Variants in ZFPM2 observed in about 807,000 individuals in gnomAD.
ZFPM2 encodes zinc finger protein ZFPM2.
In ZFPM2, 20 loss-of-function variants were observed where a neutral mutation model predicts 98.6. That is an observed-to-expected ratio of 0.20 (90% CI 0.14 to 0.29). The LOEUF is 0.29. Ranked by LOEUF, ZFPM2 falls within the 10% of genes least tolerant of loss-of-function variation. The pLI, the probability that ZFPM2 is intolerant of heterozygous loss-of-function variation, is 1.00. For missense variants in ZFPM2, 1,310 were observed against 1,388.6 expected (o/e 0.94, Z 0.90); for synonymous variants, 518 against 502.7 (o/e 1.03, Z -0.41).
Position 105,803,689 on chromosome 8 carries a change from C to T in ZFPM2, c.*151C>T. 5 of 734,454 alleles carry T rather than the reference C, an allele frequency of 6.8e-6. No homozygotes were observed. Among genetic ancestry groups the T allele is most frequent in the South Asian group, 2.0e-5 (1 of 51,090 alleles). The allele number at this position is 734,454 out of a possible 1,614,324, so 45.5% of individuals were successfully genotyped here. A position where few individuals can be genotyped will look rare whatever the true frequency, so the allele number is the denominator to read the frequency against. ...GAAGACTTAAGGTGTAATTTCATTA[C>T]AGTCCATTAGTAAAGTGTATTATTG... On this transcript the variant is annotated 3_prime_UTR_variant, in exon 8 of 8. Coordinates refer to ENST00000407775, the MANE Select transcript of ZFPM2 (RefSeq NM_012082.4).
intron 5 of ZFPM2, among the ~76,000 whole-genome samples, chr8:105,701,391 TTAGTGGTGAATTAGAGTTATTC>T (rs1223378888): frequency 1.3e-5 from 2 of 152,204 alleles, no homozygotes; most frequent in Non-Finnish European, 1.5e-5. Flanking sequence ...CTATCTGCTA[TTAGTGGTGAATTAGAGTTATTC>T]TAAAAGCATA....
At chr8:105,677,959 A>C (rs543518655) in intron 5 of ZFPM2, among the ~76,000 whole-genome samples, 1 of 152,184 alleles carries the variant, frequency 6.6e-6, no homozygotes, top group Non-Finnish European at 1.5e-5. Flanking sequence ...GGAGCTGCTC[A>C]TAAGATGTTA....
chr8:105,658,654 A>C (rs1441497402), intron 5 of ZFPM2, among the ~76,000 whole-genome samples: 5 of 151,148 alleles, frequency 3.3e-5, no homozygotes, highest in Non-Finnish European at 7.4e-5. Flanking sequence ...CTGTACCTTC[A>C]GTCTATCTGT....
intron 5 of ZFPM2, among the ~76,000 whole-genome samples, chr8:105,646,298 G>T (rs1416866828): frequency 6.6e-6 from 1 of 152,152 alleles, no homozygotes; most frequent in Non-Finnish European, 1.5e-5. Context: ...AAGGAATGCT[G>T]TTCAGTTGTT....
At chr8:105,435,656 T>C (rs528996791) in intron 2 of ZFPM2, among the ~76,000 whole-genome samples, 4 of 152,068 alleles carry the variant, frequency 2.6e-5, no homozygotes, top group African/African-American at 9.6e-5. Context: ...GAATCAAAAA[T>C]GGATAGAAGT....
chr8:105,417,786 C>T (rs1811708156), intron 1 of ZFPM2, among the ~76,000 whole-genome samples: 1 of 152,064 alleles, frequency 6.6e-6, no homozygotes, highest in Non-Finnish European at 1.5e-5. Flanking sequence ...AACCTTCTAC[C>T]TTGAGCATAT....
In ZFPM2 at chr8:105,676,834, G is replaced by C. The variant is rs146256823; in HGVS notation, c.532+42477G>C. Among the ~76,000 whole-genome samples the C allele has an allele frequency of 5.4e-3, 829 of 152,122 alleles. 9 individuals are homozygous for C. The highest frequency in any genetic ancestry group is 0.019 in the African/African-American group (788 of 41,524). ...TGGTTAAGAGTTATAGACTGGGATT[G>C]ACTAACTTTTGTGAATGAAACTTTA... is the stretch of plus-strand genomic sequence containing the variant. On this transcript the variant is annotated intron_variant, in intron 5 of 7. Transcript: ENST00000407775.
chr8:105,624,092 C>T lies in ZFPM2; in HGVS notation c.421-10154C>T, dbSNP rs543344723. Among the ~76,000 whole-genome samples the T allele has an allele frequency of 3.9e-5, 6 of 152,258 alleles. No individual in the cohort carries two copies. The South Asian group carries it at 1.2e-3, about 32-fold the overall frequency. On this transcript the variant is annotated intron_variant, in intron 4 of 7. Transcript: ENST00000407775. Reference sequence around the variant, plus strand: ...TGTAGTACATATGAGGTCATCTTAACAGAGAAGGAAGCTGAGACCTTCAGA... The same window carrying T: ...TGTAGTACATATGAGGTCATCTTAATAGAGAAGGAAGCTGAGACCTTCAGA...
intron 3 of ZFPM2, among the ~76,000 whole-genome samples, chr8:105,500,040 G>T (rs1470411315): frequency 6.6e-6 from 1 of 152,130 alleles, no homozygotes; most frequent in Non-Finnish European, 1.5e-5. Flanking sequence ...CTCCGTTATT[G>T]CAGAGAAGAA....
At chr8:105,585,867 G>A (rs1448730953) in intron 4 of ZFPM2, among the ~76,000 whole-genome samples, 1 of 151,934 alleles carries the variant, frequency 6.6e-6, no homozygotes, top group Non-Finnish European at 1.5e-5. Context: ...AATATAAAGA[G>A]AACCTAAGAT....
chr8:105,343,262 C>T (rs2129673322), intron 1 of ZFPM2, among the ~76,000 whole-genome samples: 1 of 152,166 alleles, frequency 6.6e-6, no homozygotes, highest in South Asian at 2.1e-4. Flanking sequence ...AGTTGCATTC[C>T]AGAACCATTC....
At chr8:105,571,982 C>T (rs1022769760) in intron 4 of ZFPM2, among the ~76,000 whole-genome samples, 13 of 149,294 alleles carry the variant, frequency 8.7e-5, no homozygotes, top group African/African-American at 3.0e-4. Flanking sequence ...CTATAAAGCT[C>T]TGTGTTGATG....
intron 1 of ZFPM2, among the ~76,000 whole-genome samples, chr8:105,350,227 A>G (rs1201302526): frequency 9.2e-5 from 14 of 152,194 alleles, no homozygotes; most frequent in Admixed American, 9.2e-4. Context: ...TCATGAAACA[A>G]TAATTTGCCC....
rs548748703 is a variant in ZFPM2, at chr8:105,772,976, C to T, written c.533-15742C>T. ...ATTTAGTTGAGCATTGGAGGATAGT[C>T]TGTAAATTACGACGAAGTTGTTTAG... On this transcript the variant is annotated intron_variant, in intron 5 of 7. Transcript: ENST00000407775. 2.0e-4 allele frequency among the ~76,000 whole-genome samples: 31 copies of T among 152,240 alleles called. No homozygotes were observed. In the South Asian group the frequency reaches 6.4e-3, roughly 32 times the overall value.
chr8:105,443,090 C>G (rs1260639284), intron 2 of ZFPM2, among the ~76,000 whole-genome samples: 2 of 152,006 alleles, frequency 1.3e-5, no homozygotes, highest in African/African-American at 4.8e-5. Context: ...AGGTGGATCA[C>G]TCGAGGTCAA....
intron 2 of ZFPM2, among the ~76,000 whole-genome samples, chr8:105,423,360 TTGAAA>T (rs1441049272): frequency 3.3e-5 from 5 of 152,208 alleles, no homozygotes; most frequent in South Asian, 2.1e-4. Context: ...TTTCATTTCT[TTGAAA>T]TGAAATGAAC....
At chr8:105,596,709 G>T (rs1477633379) in intron 4 of ZFPM2, among the ~76,000 whole-genome samples, 1 of 148,812 alleles carries the variant, frequency 6.7e-6, no homozygotes. Flanking sequence ...GATAGAGAAG[G>T]AGGTCTCTGG....
At chr8:105,558,022 T>G (rs1815039438) in intron 3 of ZFPM2, among the ~76,000 whole-genome samples, 1 of 152,102 alleles carries the variant, frequency 6.6e-6, no homozygotes, top group African/African-American at 2.4e-5. Flanking sequence ...AGGAAAGATA[T>G]AACTTATTTG....
At chr8:105,493,819 AG>A (rs767288210) in intron 3 of ZFPM2, among the ~76,000 whole-genome samples, 10 of 152,242 alleles carry the variant, frequency 6.6e-5, no homozygotes, top group Admixed American at 4.6e-4. Context: ...CCTTATAAAA[AG>A]TATCCTCCTA....
Sources: gnomAD v4.1 joint callset for allele counts (sites outside exome capture counted in the v4.1 genomes callset) on GRCh38, gnomAD v4.1.1 for gene constraint, MANE v1.5 for transcripts, NCBI Gene and HGNC (gene_info 2026-07-23, HGNC 2026-07-21) for gene names.